The following STPG2 variants were observed in gnomAD, a reference collection of about 807,000 sequenced individuals.
STPG2 encodes sperm tail PG-rich repeat containing 2, also known as sperm-tail PG-rich repeat-containing protein 2.
In STPG2, 56 loss-of-function variants were observed where a neutral mutation model predicts 54.2. The observed-to-expected ratio is 1.03, with a 90% CI of 0.83 to 1.29. The LOEUF (loss-of-function observed/expected upper bound fraction) is 1.29. STPG2 is among the 50% of genes most tolerant of loss of function. The pLI is 0.00. For synonymous variants in STPG2, 200 were observed against 181.8 expected, an observed-to-expected ratio of 1.10 and a Z score of -0.81; for missense variants, 596 against 544.9, an observed-to-expected ratio of 1.09 and a Z score of -0.93.
intron 10 of STPG2, among the ~76,000 whole-genome samples, chr4:97,589,732 T>A (rs896211510): frequency 6.6e-6 from 1 of 152,186 alleles, no homozygotes; most frequent in East Asian, 1.9e-4. Context: ...GTGACTGTGA[T>A]CCTTCAAGCT....
In STPG2 at chr4:98,063,940, C is replaced by A. The variant is rs113550796; in HGVS notation, c.612+42013G>T. 3.6e-4 allele frequency among the ~76,000 whole-genome samples: 54 copies of A among 151,566 alleles called. No homozygotes were observed. The East Asian group carries it at 5.1e-3, about 14-fold the overall frequency. On this transcript the variant is annotated intron_variant, in intron 5 of 10. Transcript: ENST00000295268. The stretch of plus-strand genomic sequence containing the variant: ...TGCACATGGGTAACAGAGTGAGACC[C>A]TGCCTCAAAAAAAAGACAAGTAGAA...
chr4:97,608,028 A>G (rs1431247586), intron 10 of STPG2, among the ~76,000 whole-genome samples: 1 of 151,974 alleles, frequency 6.6e-6, no homozygotes, highest in Non-Finnish European at 1.5e-5. Context: ...TCCAAACCAC[A>G]GCTAAAAGGT....
intron 1 of STPG2, 27 bp downstream of exon 1, chr4:98,143,015 G>A (rs1159573831): frequency 1.9e-6 from 3 of 1,587,108 alleles, no homozygotes; most frequent in Non-Finnish European, 2.6e-6. Flanking sequence ...GCCTGTCACA[G>A]GAGCTCTGCC....
chr4:97,944,085 A>G, intron 7 of STPG2, 78 bp from the exon 8 acceptor site: 1 of 931,688 alleles, frequency 1.1e-6, no homozygotes, highest in South Asian at 1.4e-5. Context: ...ATAAGTTTGC[A>G]ATGAAGTTCA....
At chr4:97,679,993 T>C (rs963643596) in intron 10 of STPG2, among the ~76,000 whole-genome samples, 3 of 152,122 alleles carry the variant, frequency 2.0e-5, no homozygotes, top group African/African-American at 7.2e-5. Flanking sequence ...TATATCTCTG[T>C]TTTGGTACCA....
chr4:97,558,641 C>T (rs1560658886), downstream of STPG2, among the ~76,000 whole-genome samples: 1 of 152,120 alleles, frequency 6.6e-6, no homozygotes, highest in African/African-American at 2.4e-5. Context: ...GAGGTGAATC[C>T]TTCCCACTGG....
intron 8 of STPG2, among the ~76,000 whole-genome samples, chr4:97,846,988 T>C (rs1050867445): frequency 6.6e-6 from 1 of 152,322 alleles, no homozygotes; most frequent in South Asian, 2.1e-4. Flanking sequence ...TTAAGTCATA[T>C]AGAACTTCTT....
intron 4 of STPG2, among the ~76,000 whole-genome samples, chr4:97,543,638 C>T (rs1446110853): frequency 3.9e-5 from 6 of 151,946 alleles, no homozygotes; most frequent in Admixed American, 2.6e-4. Context: ...ATATATCCTG[C>T]CTAGATTTAT....
At chr4:97,449,865 A>G (rs1729320636) in intron 4 of STPG2, among the ~76,000 whole-genome samples, 1 of 152,188 alleles carries the variant, frequency 6.6e-6, no homozygotes, top group Non-Finnish European at 1.5e-5. Flanking sequence ...CACATATCCT[A>G]TTGTTTTGAT....
intron 9 of STPG2, among the ~76,000 whole-genome samples, chr4:97,742,547 G>GTATATATATATATA (rs1199779392): frequency 1.4e-5 from 2 of 143,016 alleles, no homozygotes; most frequent in African/African-American, 5.1e-5. Context: ...GTGTGTGTGT[G>GTATATATATATATA]TGTGTGTGTG....
At chr4:98,117,179 C>G (rs112196268) in intron 3 of STPG2, among the ~76,000 whole-genome samples, 56 of 152,036 alleles carry the variant, frequency 3.7e-4, no homozygotes, top group African/African-American at 1.2e-3. Context: ...TTAATTTCTC[C>G]TTTATTTTCA....
At chr4:98,118,652 T>G (rs1362074804) in intron 3 of STPG2, among the ~76,000 whole-genome samples, 1 of 152,176 alleles carries the variant, frequency 6.6e-6, no homozygotes, top group Non-Finnish European at 1.5e-5. Context: ...ATACAGATCT[T>G]ACTTTGAAAT....
intron 10 of STPG2, among the ~76,000 whole-genome samples, chr4:97,629,296 C>G (rs1721171979): frequency 6.6e-6 from 1 of 151,836 alleles, no homozygotes; most frequent in Admixed American, 6.6e-5. Context: ...GTAAAAACTG[C>G]TGAGAAAAAA....
intron 3 of STPG2, among the ~76,000 whole-genome samples, chr4:98,111,714 T>C (rs1168870435): frequency 8.5e-5 from 13 of 152,142 alleles, no homozygotes; most frequent in Non-Finnish European, 1.5e-4. Context: ...TTTCTGGGTA[T>C]GTATTTGAGG....
At chr4:97,787,818 A>C (rs968330743) in intron 9 of STPG2, among the ~76,000 whole-genome samples, 1 of 151,970 alleles carries the variant, frequency 6.6e-6, no homozygotes, top group African/African-American at 2.4e-5. Context: ...GAGATAGCTC[A>C]GTAACTTATG....
In STPG2 at chr4:97,915,963, T is replaced by C. The variant is rs574065706; in HGVS notation, c.1044+27934A>G. 2.0e-5 allele frequency among the ~76,000 whole-genome samples: 3 copies of C among 152,250 alleles called. No individual in the cohort carries two copies. In the South Asian group the frequency reaches 6.2e-4, roughly 32 times the overall value. On this transcript the variant is annotated intron_variant, in intron 8 of 10. Transcript: ENST00000295268. Reference sequence around the variant, plus strand: ...TTAGAAGGTCACTGGTGATAGCAGATGGGGCATAATTAGTCAGAATGGAAA... The same window carrying C: ...TTAGAAGGTCACTGGTGATAGCAGACGGGGCATAATTAGTCAGAATGGAAA...
At chr4:97,988,986 T>A (rs1391555799) in intron 5 of STPG2, among the ~76,000 whole-genome samples, 1 of 152,110 alleles carries the variant, frequency 6.6e-6, no homozygotes, top group Non-Finnish European at 1.5e-5. Flanking sequence ...TGAAAAAAAA[T>A]TAGGAGAAAC....
chr4:97,972,526 T>A (rs1185581464), intron 6 of STPG2, 86 bp from the exon 7 acceptor site: 1 of 784,858 alleles, frequency 1.3e-6, no homozygotes, highest in Non-Finnish European at 1.8e-6. Context: ...TTAAGGGTTT[T>A]TTTCTAAATA....
At chr4:97,662,065 T>G (rs1356798688) in intron 10 of STPG2, among the ~76,000 whole-genome samples, 2 of 152,102 alleles carry the variant, frequency 1.3e-5, no homozygotes, top group African/African-American at 4.8e-5. Flanking sequence ...AGCATTTTCA[T>G]GGCAAAATAA....
Sources: gnomAD v4.1 joint callset for allele counts (sites outside exome capture counted in the v4.1 genomes callset) on GRCh38, gnomAD v4.1.1 for gene constraint, MANE v1.5 for transcripts, NCBI Gene and HGNC (gene_info 2026-07-23, HGNC 2026-07-21) for gene names.